The following ZNF268 variants were observed in gnomAD, a reference collection of about 807,000 sequenced individuals.
ZNF268 encodes zinc finger protein 268, also known as zinc finger protein 3.
ZNF268 carries 20 observed loss-of-function variants against 29.3 expected under a neutral mutation model. That is an observed-to-expected ratio of 0.68 (90% confidence interval 0.48 to 0.99). ZNF268 has a LOEUF of 0.99. Among genes scored for constraint, ZNF268 ranks in the 50% least tolerant of loss-of-function variants. ZNF268 has a pLI of 0.00. For missense variants in ZNF268, 1,240 were observed against 1,121.6 expected (o/e 1.11, Z -1.51); for synonymous variants, 429 against 376.9 (o/e 1.14, Z -1.60).
chr12:133,190,536 C>A (rs1258863438), intron 3 of ZNF268, among the ~76,000 whole-genome samples: 1 of 152,138 alleles, frequency 6.6e-6, no homozygotes, highest in Admixed American at 6.5e-5. Flanking sequence ...ATTTGCAATT[C>A]CCTAATGACA....
At chr12:133,195,425 C>A (rs1044308492) in intron 5 of ZNF268, among the ~76,000 whole-genome samples, 2 of 152,176 alleles carry the variant, frequency 1.3e-5, no homozygotes, top group Non-Finnish European at 2.9e-5. Context: ...GAACCATGTG[C>A]CAGGTGCAGT....
intron 2 of ZNF268, among the ~76,000 whole-genome samples, chr12:133,186,908 A>G (rs1326804632): frequency 6.6e-6 from 1 of 152,196 alleles, no homozygotes; most frequent in Non-Finnish European, 1.5e-5. Flanking sequence ...TTTTTGTAAC[A>G]CAAAAGCTAG....
rs1206455627 is a variant in ZNF268 at position 133,205,490 on chromosome 12, GTATCTCTGATACTGACAA to G, written c.*972_*989del. On this transcript the variant is annotated 3_prime_UTR_variant, in exon 6 of 6. Transcript: ENST00000536435. The stretch of plus-strand genomic sequence containing the variant: ...CAAAAATCATCTTCCAGAGATTTCA[GTATCTCTGATACTGACAA>G]TATCTCTGATATGACAATATCATCT... 5.9e-5 allele frequency: 9 copies of G among 152,102 alleles called. No individual in the cohort carries two copies. The highest frequency in any genetic ancestry group is 2.2e-4 in the African/African-American group (9 of 41,422). The allele number at this position is 152,102 out of a possible 1,614,324, so 9.4% of individuals were successfully genotyped here.
chr12:133,181,685 A>G lies in ZNF268; in HGVS notation c.-54A>G. ...CCCCTTCAGGGTTTGGAGGAGCCGG[A>G]GGTGCGGAATTCCTCCGGTTTCAAG... is the stretch of plus-strand genomic sequence containing the variant. On this transcript the variant is annotated splice_region_variant and 5_prime_UTR_variant, in exon 1 of 6. Coordinates refer to ENST00000536435, the MANE Select transcript of ZNF268 (RefSeq NM_003415.3). 1 of 373,526 alleles carries G rather than the reference A, an allele frequency of 2.7e-6. No individual in the cohort carries two copies. The highest frequency in any genetic ancestry group is 4.9e-6 in the Non-Finnish European group (1 of 202,082). The allele number at this position is 373,526 out of a possible 1,614,324, so 23.1% of individuals were successfully genotyped here. A position where few individuals can be genotyped will look rare whatever the true frequency, so the allele number is the denominator to read the frequency against.
intron 5 of ZNF268, among the ~76,000 whole-genome samples, chr12:133,196,631 A>G (rs1174239930): frequency 6.6e-6 from 1 of 152,214 alleles, no homozygotes; most frequent in Non-Finnish European, 1.5e-5. Flanking sequence ...AAATAGTGAC[A>G]GTCAAACACA....
rs1388353361 is a variant in ZNF268 at position 133,209,597 on chromosome 12, G to C, written c.*5067G>C. 1 of 152,178 alleles carries C rather than the reference G, an allele frequency of 6.6e-6. No individual in the cohort carries two copies. The highest frequency in any genetic ancestry group is 2.4e-5 in the African/African-American group (1 of 41,446). 9.4% of individuals were successfully genotyped at this position (152,178 alleles called of 1,614,324 possible). ...TGCCTGTAATCTCAGCATTTTGTGA[G>C]GCTGAGGCAGGTGGATGACTTGAGG... On this transcript the variant is annotated 3_prime_UTR_variant, in exon 6 of 6. Coordinates refer to ENST00000536435, the MANE Select transcript of ZNF268 (RefSeq NM_003415.3).
chr12:133,201,460 A>G lies in ZNF268; in HGVS notation c.458-684A>G, dbSNP rs114185021. 7.2e-4 allele frequency among the ~76,000 whole-genome samples: 109 copies of G among 152,188 alleles called. 1 individual carries two copies. Among genetic ancestry groups the G allele is most frequent in the African/African-American group, 2.5e-3 (103 of 41,554 alleles). ...GACCTGTGCATCTGAAAATGTTTTGACTTTATTCCTCATTGCTCTATTTTC... is the reference window on the plus strand; with the variant it reads ...GACCTGTGCATCTGAAAATGTTTTGGCTTTATTCCTCATTGCTCTATTTTC... On this transcript the variant is annotated intron_variant, in intron 5 of 5. Coordinates refer to ENST00000536435, the MANE Select transcript of ZNF268 (RefSeq NM_003415.3).
At chr12:133,191,790 C>A in intron 4 of ZNF268, 118 bp from the exon 5 acceptor site, 2 of 1,464,104 alleles carry the variant, frequency 1.4e-6, no homozygotes, top group Non-Finnish European at 9.6e-7. Context: ...CTTTACTTTG[C>A]CAAATTGCAA....
chr12:133,182,584 G>A (rs1956204971), intron 2 of ZNF268, among the ~76,000 whole-genome samples: 1 of 152,062 alleles, frequency 6.6e-6, no homozygotes, highest in South Asian at 2.1e-4. Context: ...GGTCAGTTTT[G>A]GAAGTAAGGA....
intron 5 of ZNF268, among the ~76,000 whole-genome samples, chr12:133,195,664 AC>A (rs1956574530): frequency 6.6e-6 from 1 of 152,108 alleles, no homozygotes; most frequent in Non-Finnish European, 1.5e-5. Flanking sequence ...CAATGATTGC[AC>A]CACTGCACTT....
At chr12:133,183,667 A>T (rs1197482061) in intron 2 of ZNF268, among the ~76,000 whole-genome samples, 1 of 152,138 alleles carries the variant, frequency 6.6e-6, no homozygotes, top group Non-Finnish European at 1.5e-5. Context: ...GACTGTCAGA[A>T]TTGTGATTGG....
At position 133,208,600 on chromosome 12, in the gene ZNF268, A is replaced by C. The variant is rs1956939109; in HGVS notation, c.*4070A>C. 6.6e-6 allele frequency: 1 copy of C among 152,148 alleles called. No homozygotes were observed. The highest frequency in any genetic ancestry group is 2.4e-5 in the African/African-American group (1 of 41,412). 9.4% of individuals were successfully genotyped at this position (152,148 alleles called of 1,614,324 possible). ...AGTCCAGTAGTTCAAGGCTACAGTG[A>C]GCTATGATCATGCCCCTGCACTCCA... On this transcript the variant is annotated 3_prime_UTR_variant, in exon 6 of 6. Transcript: ENST00000536435.
In ZNF268 at chr12:133,204,250, A is replaced by G; in HGVS notation, c.2564A>G (p.Gln855Arg). The G allele has an allele frequency of 2.6e-6, 4 of 1,546,428 alleles. No individual in the cohort carries two copies. Among genetic ancestry groups the G allele is most frequent in the Admixed American group, 1.9e-5 (1 of 51,312 alleles). Residue 855 changes from glutamine to arginine, a missense_variant, in exon 6 of 6, where the codon CAG becomes CGG. Gln to Arg is a conservative substitution (Grantham distance 43). Coordinates refer to ENST00000536435, the MANE Select transcript of ZNF268 (RefSeq NM_003415.3). ...FSGKLRLLVH[Q>R]RMHTREKPYE... ...GGGAAATTACGCCTTCTTGTACACC[A>G]GAGAATGCACACAAGAGAGAAACCA... is the stretch of plus-strand genomic sequence containing the variant.
rs998656949 is a variant in ZNF268, at chr12:133,193,352, C to T, written c.457+1349C>T. ...TCTCAAAAAAAGAAGACTTCTGTCT[C>T]AGTCTATTTGTGTTGCTGTAATAAA... is the stretch of plus-strand genomic sequence containing the variant. On this transcript the variant is annotated intron_variant, in intron 5 of 5. Coordinates refer to ENST00000536435, the MANE Select transcript of ZNF268 (RefSeq NM_003415.3). 4 of 537,296 alleles carry T rather than the reference C, an allele frequency of 7.4e-6. No homozygotes were observed. In the East Asian group the frequency reaches 9.1e-5, roughly 12 times the overall value. The allele number at this position is 537,296 out of a possible 1,614,324, so 33.3% of individuals were successfully genotyped here.
chr12:133,185,220 A>ACTTTAGCTT lies in ZNF268; in HGVS notation c.34-2651_34-2643dup, dbSNP rs557146848. On this transcript the variant is annotated intron_variant, in intron 2 of 5. Transcript: ENST00000536435. ...AAAAAACAAAGAATGTGTGGTGGCT[A>ACTTTAGCTT]CTTTAGCTTGGGTGCTCAGGGAAGG... is the stretch of plus-strand genomic sequence containing the variant. Among the ~76,000 whole-genome samples, 531 of 150,994 alleles carry ACTTTAGCTT rather than the reference A, an allele frequency of 3.5e-3. 2 individuals are homozygous for ACTTTAGCTT. The highest frequency in any genetic ancestry group is 0.012 in the African/African-American group (496 of 41,210).
chr12:133,198,515 C>T (rs1260743714), intron 5 of ZNF268, among the ~76,000 whole-genome samples: 9 of 151,688 alleles, frequency 5.9e-5, no homozygotes, highest in South Asian at 2.1e-4. Context: ...CTTGGCGATG[C>T]GGGCTCTTTT....
rs145570399 is a variant in ZNF268, at chr12:133,187,085, T to G, written c.34-787T>G. ...CCCATAGTGTTTTCAACCAGTTATGTAGTTACAGATATTTGGGTTATAAAA... is the reference window on the plus strand; with the variant it reads ...CCCATAGTGTTTTCAACCAGTTATGGAGTTACAGATATTTGGGTTATAAAA... On this transcript the variant is annotated intron_variant, in intron 2 of 5. Coordinates refer to ENST00000536435, the MANE Select transcript of ZNF268 (RefSeq NM_003415.3). Among the ~76,000 whole-genome samples, 909 of 152,320 alleles carry G rather than the reference T, an allele frequency of 6.0e-3. 16 individuals are homozygous for G. The highest frequency in any genetic ancestry group is 0.048 in the Middle Eastern group (14 of 294).
At position 133,213,407 on chromosome 12, in the gene ZNF268, G is replaced by A. The variant is rs1957013452; in HGVS notation, c.*8877G>A. 6.6e-6 allele frequency: 1 copy of A among 152,118 alleles called. No individual in the cohort carries two copies. The highest frequency in any genetic ancestry group is 6.5e-5 in the Admixed American group (1 of 15,268). The allele number at this position is 152,118 out of a possible 1,614,324, so 9.4% of individuals were successfully genotyped here. A position where few individuals can be genotyped will look rare whatever the true frequency, so the allele number is the denominator to read the frequency against. On this transcript the variant is annotated 3_prime_UTR_variant, in exon 6 of 6. Coordinates refer to ENST00000536435, the MANE Select transcript of ZNF268 (RefSeq NM_003415.3). Reference sequence around the variant, plus strand: ...CTATCAAGAAAGTGAAAAGGAGCTGGGTGTGGTGGCTCACGCCTGTAATTC... The same window carrying A: ...CTATCAAGAAAGTGAAAAGGAGCTGAGTGTGGTGGCTCACGCCTGTAATTC...
intron 2 of ZNF268, 36 bp downstream of exon 2, chr12:133,182,066 TCC>T: frequency 8.4e-6 from 13 of 1,551,708 alleles, no homozygotes; most frequent in Non-Finnish European, 1.1e-5. Flanking sequence ...TGAAAAGCTC[TCC>T]CTGAATGCCA....
Sources: allele counts gnomAD v4.1 joint callset (sites outside exome capture counted in the v4.1 genomes callset), GRCh38; gene constraint gnomAD v4.1.1; transcripts MANE v1.5; gene names NCBI Gene and HGNC (gene_info 2026-07-23, HGNC 2026-07-21).